The following RNF157 variants were observed in gnomAD, a reference collection of about 807,000 sequenced individuals.
RNF157 encodes ring finger protein 157.
In RNF157, 55 loss-of-function variants were observed where a neutral mutation model predicts 88.3. The observed-to-expected ratio is 0.62, with a 90% confidence interval of 0.50 to 0.78. The LOEUF is 0.78. Among genes scored for constraint, RNF157 ranks in the 30% least tolerant of loss-of-function variants. The probability of loss-of-function intolerance (pLI) is 0.00; values close to 1 mark genes in which losing one functional copy is unlikely to be tolerated. For missense variants in RNF157, 788 were observed against 860.8 expected (o/e 0.92, Z 1.06); for synonymous variants, 334 against 341.2 (o/e 0.98, Z 0.23).
chr17:76,198,478 G>A (rs1216405163), intron 2 of RNF157, among the ~76,000 whole-genome samples: 2 of 152,130 alleles, frequency 1.3e-5, no homozygotes, highest in Non-Finnish European at 2.9e-5. Context: ...CACATAAAGT[G>A]GGAAAATCCA....
intron 2 of RNF157, among the ~76,000 whole-genome samples, chr17:76,187,891 C>T (rs1359276704): frequency 6.6e-6 from 1 of 152,180 alleles, no homozygotes; most frequent in Non-Finnish European, 1.5e-5. Flanking sequence ...AGCCACCACG[C>T]CCAGCCCTGA....
chr17:76,198,037 T>C (rs932738858), intron 2 of RNF157, among the ~76,000 whole-genome samples: 1 of 152,128 alleles, frequency 6.6e-6, no homozygotes, highest in African/African-American at 2.4e-5. Flanking sequence ...TAAAAGACAA[T>C]GCTCACCCTA....
intron 1 of RNF157, among the ~76,000 whole-genome samples, chr17:76,228,715 G>A (rs944017276): frequency 6.6e-6 from 1 of 151,884 alleles, no homozygotes; most frequent in African/African-American, 2.4e-5. Context: ...CTGAGGTCAG[G>A]AGTTCGAGAC....
At chr17:76,239,203 A>G (rs2070331642) in intron 1 of RNF157, among the ~76,000 whole-genome samples, 1 of 152,222 alleles carries the variant, frequency 6.6e-6, no homozygotes, top group Non-Finnish European at 1.5e-5. Flanking sequence ...AATTAATTAA[A>G]ATAAAACTAC....
At chr17:76,207,651 A>G (rs1382509782) in intron 2 of RNF157, among the ~76,000 whole-genome samples, 1 of 152,186 alleles carries the variant, frequency 6.6e-6, no homozygotes, top group Non-Finnish European at 1.5e-5. Flanking sequence ...TTCTTGCCGC[A>G]TGCTGCTGGA....
chr17:76,155,474 G>T, intron 15 of RNF157, 88 bp downstream of exon 15: 1 of 1,527,278 alleles, frequency 6.5e-7, no homozygotes, highest in Non-Finnish European at 9.0e-7. Flanking sequence ...GGGCTTTGCA[G>T]CCATGCATGG....
chr17:76,154,229 A>C (rs1346508611), intron 17 of RNF157, 54 bp downstream of exon 17: 1 of 1,327,484 alleles, frequency 7.5e-7, no homozygotes, highest in East Asian at 2.3e-5. Context: ...CCCTTAAAGA[A>C]TACCCAGGAA....
At chr17:76,173,868 G>T in intron 2 of RNF157, 78 bp from the exon 3 acceptor site, 2 of 1,231,014 alleles carry the variant, frequency 1.6e-6, no homozygotes, top group Non-Finnish European at 2.3e-6. Flanking sequence ...AGTTTGCCAA[G>T]AATAGCCCTA....
intron 3 of RNF157, among the ~76,000 whole-genome samples, chr17:76,172,007 C>T (rs1907204786): frequency 6.6e-6 from 1 of 152,318 alleles, no homozygotes. Flanking sequence ...CCAGAGGCCT[C>T]GTTAGTCTGC....
chr17:76,204,709 C>T (rs2069648091), intron 2 of RNF157, among the ~76,000 whole-genome samples: 1 of 151,958 alleles, frequency 6.6e-6, no homozygotes, highest in South Asian at 2.1e-4. Flanking sequence ...TTGAGTACAA[C>T]TTTTGGTCTA....
At chr17:76,153,814 CTT>C (rs1278114850) in intron 17 of RNF157, 1 of 155,990 alleles carries the variant, frequency 6.4e-6, no homozygotes, top group Admixed American at 6.4e-5. Context: ...CGAGAGTCCT[CTT>C]TTACAGTAAT....
At position 76,161,917 on chromosome 17, in the gene RNF157, C is replaced by G; in HGVS notation, c.878G>C (p.Arg293Pro). ...DVRDTLILPC[R>P]HLCLCNTCAD... ...ACAGGTGTTACAGAGGCAGAGGTGG[C>G]GACAGGGCAGAATCAAGGTGTCCCG... Residue 293 changes from arginine to proline, a missense_variant, in exon 10 of 19, where the codon CGC becomes CCC. Coordinates refer to ENST00000269391, the MANE Select transcript of RNF157 (RefSeq NM_052916.3). This position sits in a 1 kb window ranked among gnomAD's most constrained non-coding sequence, Gnocchi z 4.6. The G allele has an allele frequency of 1.9e-6, 3 of 1,614,192 alleles. No homozygotes were observed. The highest frequency in any genetic ancestry group is 2.5e-6 in the Non-Finnish European group (3 of 1,180,036).
In RNF157 at chr17:76,200,655, T is replaced by C. The variant is rs902083257; in HGVS notation, c.207+11709A>G. ...CTGGAGACTGTACAACGATGTGTGATGAGCAGGGTGGTCACCCCTGGGGAA... is the reference window on the plus strand; with the variant it reads ...CTGGAGACTGTACAACGATGTGTGACGAGCAGGGTGGTCACCCCTGGGGAA... On this transcript the variant is annotated intron_variant, in intron 2 of 18. Transcript: ENST00000269391. 3.9e-5 allele frequency among the ~76,000 whole-genome samples: 6 copies of C among 152,246 alleles called. No individual in the cohort carries two copies. The South Asian group carries it at 1.2e-3, about 32-fold the overall frequency.
At position 76,157,811 on chromosome 17, in the gene RNF157, A is replaced by G. The variant is rs1473244751; in HGVS notation, c.1413+582T>C. On this transcript the variant is annotated intron_variant, in intron 13 of 18. Coordinates refer to ENST00000269391, the MANE Select transcript of RNF157 (RefSeq NM_052916.3). This position sits in a 1 kb window ranked among gnomAD's most constrained non-coding sequence, Gnocchi z 5.6. Reference sequence around the variant, plus strand: ...AAGCTGCATAAACCTTTGTTAAGTGAGGTCTCTGTGGGACGCACAGAGTAG... The same window carrying G: ...AAGCTGCATAAACCTTTGTTAAGTGGGGTCTCTGTGGGACGCACAGAGTAG... Among the ~76,000 whole-genome samples the G allele has an allele frequency of 6.6e-6, 1 of 151,950 alleles. No individual in the cohort carries two copies. The highest frequency in any genetic ancestry group is 1.5e-5 in the Non-Finnish European group (1 of 67,992).
intron 1 of RNF157, among the ~76,000 whole-genome samples, chr17:76,217,796 G>A (rs1464833580): frequency 6.6e-6 from 1 of 152,152 alleles, no homozygotes; most frequent in Non-Finnish European, 1.5e-5. Context: ...TAAACTTCGA[G>A]TGTTTCATTA....
At chr17:76,227,009 C>T (rs1362003337) in intron 1 of RNF157, among the ~76,000 whole-genome samples, 9 of 152,078 alleles carry the variant, frequency 5.9e-5, no homozygotes, top group Non-Finnish European at 5.9e-5. Context: ...CCATGGTGGC[C>T]GTGGACCCTG....
chr17:76,154,050 C>T, intron 17 of RNF157: 1 of 524,842 alleles, frequency 1.9e-6, no homozygotes, highest in South Asian at 2.0e-5. Context: ...TCTCCTGCAG[C>T]ACCCGCACCT....
chr17:76,155,589 G>A lies in RNF157; in HGVS notation c.1671C>T (p.Ala557=), dbSNP rs1383601509. Residue 557 remains alanine, a synonymous_variant, in exon 15 of 19, where the codon GCC becomes GCT. Transcript: ENST00000269391. Reference sequence around the variant, plus strand: ...CTCCTTCTTCTGAGGGGGCCCTGCTGGCAGGCTGGGGGGAAGAGAGAGCCT... The same window carrying A: ...CTCCTTCTTCTGAGGGGGCCCTGCTAGCAGGCTGGGGGGAAGAGAGAGCCT... ...EGEALSSPQP[A]SRAPSEEGEG... is the part of the protein sequence containing the mutation. 5 of 1,612,656 alleles carry A rather than the reference G, an allele frequency of 3.1e-6. No individual in the cohort carries two copies. The highest frequency in any genetic ancestry group is 4.2e-6 in the Non-Finnish European group (5 of 1,179,662).
At chr17:76,175,624 G>A (rs2069090609) in intron 2 of RNF157, 3 of 292,554 alleles carry the variant, frequency 1.0e-5, no homozygotes, top group South Asian at 1.3e-4. Context: ...AGGAAAATCC[G>A]ACACAAACGC....
Sources: gnomAD v4.1 joint callset for allele counts (sites outside exome capture counted in the v4.1 genomes callset) on GRCh38, gnomAD v4.1.1 for gene constraint, Gnocchi (gnomAD v3.1) non-coding constraint, MANE v1.5 for transcripts, NCBI Gene and HGNC (gene_info 2026-07-23, HGNC 2026-07-21) for gene names.